RIPOR1: variants seen among roughly 807,000 people sequenced by gnomAD.
RIPOR1 encodes RHO family interacting cell polarization regulator 1.
A neutral mutation model predicts 116.5 loss-of-function variants in RIPOR1; 58 were observed. The ratio of observed to expected loss-of-function variants is 0.50; its 90% CI spans 0.40 to 0.62. RIPOR1 has a LOEUF of 0.62. Ranked by LOEUF, RIPOR1 falls within the 20% of genes least tolerant of loss-of-function variation. The pLI, the probability that RIPOR1 is intolerant of heterozygous loss-of-function variation, is 0.00. For missense variants in RIPOR1, 1,372 were observed against 1,586.2 expected (o/e 0.86, Z 2.29); for synonymous variants, 605 against 650.0 (o/e 0.93, Z 1.05).
In RIPOR1 at chr16:67,541,068, GTCTA is replaced by G. The variant is rs780318492; in HGVS notation, c.802-353_802-350del. On this transcript the variant is annotated intron_variant, in intron 10 of 21. Coordinates refer to ENST00000042381, the MANE Select transcript of RIPOR1 (RefSeq NM_024519.4). This position sits in a 1 kb window ranked among gnomAD's most constrained non-coding sequence, Gnocchi z 4.6. ...TGGCTCCATGAGCATGCATGTGTCT[GTCTA>G]TCTATCTAGGAGTTGGCGGGTCTCA... is the stretch of plus-strand genomic sequence containing the variant. Among the ~76,000 whole-genome samples, 1 of 151,888 alleles carries G rather than the reference GTCTA, an allele frequency of 6.6e-6. No individual in the cohort carries two copies. The highest frequency in any genetic ancestry group is 6.6e-5 in the Admixed American group (1 of 15,258).
In RIPOR1 at chr16:67,530,624, G is replaced by T. The variant is rs571338403; in HGVS notation, c.-24+1710G>T. On this transcript the variant is annotated intron_variant, in intron 1 of 21. Transcript: ENST00000042381. This position sits in a 1 kb window ranked among gnomAD's most constrained non-coding sequence, Gnocchi z 4.5. Reference sequence around the variant, plus strand: ...GCACAGTGCTGAGATGGGCAGCCCAGGTGGTGGGATATTCCGCCGCACCCG... The same window carrying T: ...GCACAGTGCTGAGATGGGCAGCCCATGTGGTGGGATATTCCGCCGCACCCG... Among the ~76,000 whole-genome samples the T allele has an allele frequency of 4.6e-5, 7 of 152,342 alleles. No individual in the cohort carries two copies. Among genetic ancestry groups the T allele is most frequent in the African/African-American group, 1.4e-4 (6 of 41,588 alleles).
rs1341517069 is a variant in RIPOR1, at chr16:67,540,425, C to G, written c.632-33C>G. 2.5e-6 allele frequency: 4 copies of G among 1,614,042 alleles called. No individual in the cohort carries two copies. The African/African-American group carries it at 5.3e-5, about 22-fold the overall frequency. On this transcript the variant is annotated intron_variant, in intron 8 of 21. Coordinates refer to ENST00000042381, the MANE Select transcript of RIPOR1 (RefSeq NM_024519.4). The surrounding 1 kb of genome is among the most constrained non-coding windows in gnomAD (Gnocchi z 4.7). ...AGTATGCTGAAGAACCCCAATATGG[C>G]TCACCGACTTCTCCCCTTCTCCTCC...
At chr16:67,538,277 T>A in intron 1 of RIPOR1, 147 bp from the exon 2 acceptor site, 1 of 1,033,768 alleles carries the variant, frequency 9.7e-7, no homozygotes, top group African/African-American at 1.6e-5. Flanking sequence ...AGTGCCCGGG[T>A]CGGCGGGACT....
Position 67,540,577 on chromosome 16 carries a change from A to C in RIPOR1, c.676-2A>C, listed in dbSNP as rs919015572. The C allele has an allele frequency of 6.2e-7, 1 of 1,613,878 alleles. No individual in the cohort carries two copies. Among genetic ancestry groups the C allele is most frequent in the Non-Finnish European group, 8.5e-7 (1 of 1,179,912 alleles). The stretch of plus-strand genomic sequence containing the variant: ...GCTGCCTCATCCTACCTGTTCCCCC[A>C]GATCTGCATGAAATATGGGCGTCAG... On this transcript the variant is annotated splice_acceptor_variant, in intron 9 of 21. Transcript: ENST00000042381. LOFTEE classifies it high-confidence loss of function. This position sits in a 1 kb window ranked among gnomAD's most constrained non-coding sequence, Gnocchi z 4.7.
In RIPOR1 at chr16:67,544,444, G is replaced by C. The variant is rs1389331367; in HGVS notation, c.2733+13G>C. ...TCGCCTCCTGCTGGTGAGGCTGATGGTGTTCCCCCACCCTTCCTTTGTAAC... is the reference window on the plus strand; with the variant it reads ...TCGCCTCCTGCTGGTGAGGCTGATGCTGTTCCCCCACCCTTCCTTTGTAAC... On this transcript the variant is annotated intron_variant, in intron 15 of 21. Coordinates refer to ENST00000042381, the MANE Select transcript of RIPOR1 (RefSeq NM_024519.4). The surrounding 1 kb of genome is among the most constrained non-coding windows in gnomAD (Gnocchi z 5.1). 6.2e-7 allele frequency: 1 copy of C among 1,600,144 alleles called. No homozygotes were observed. Among genetic ancestry groups the C allele is most frequent in the Non-Finnish European group, 8.5e-7 (1 of 1,173,836 alleles).
At chr16:67,538,848 C>T (rs2050886347) in intron 3 of RIPOR1, 24 bp downstream of exon 3, 1 of 1,611,376 alleles carries the variant, frequency 6.2e-7, no homozygotes, top group South Asian at 1.1e-5. Context: ...CTGTTCCCAG[C>T]CCTGTCCCGG....
chr16:67,522,390 C>T (rs1386884303), intron 1 of RIPOR1, among the ~76,000 whole-genome samples: 1 of 151,546 alleles, frequency 6.6e-6, no homozygotes, highest in African/African-American at 2.4e-5. Context: ...TTAGTAGAGA[C>T]GGGGTATCCC....
chr16:67,529,960 G>A lies in RIPOR1; in HGVS notation c.-24+1046G>A, dbSNP rs911569120. On this transcript the variant is annotated intron_variant, in intron 1 of 21. Coordinates refer to ENST00000042381, the MANE Select transcript of RIPOR1 (RefSeq NM_024519.4). This position sits in a 1 kb window ranked among gnomAD's most constrained non-coding sequence, Gnocchi z 4.1. ...ACCCACCTCCGTGGTATTGGAGGGAGGAGAGGAATGATAATTGGGGGCTGA... is the reference window on the plus strand; with the variant it reads ...ACCCACCTCCGTGGTATTGGAGGGAAGAGAGGAATGATAATTGGGGGCTGA... 3 of 786,754 alleles carry A rather than the reference G, an allele frequency of 3.8e-6. No individual in the cohort carries two copies. Among genetic ancestry groups the A allele is most frequent in the Admixed American group, 2.0e-5 (1 of 49,762 alleles). 48.7% of individuals were successfully genotyped at this position (786,754 alleles called of 1,614,324 possible). A position where few individuals can be genotyped will look rare whatever the true frequency, so the allele number is the denominator to read the frequency against.
chr16:67,536,255 C>T (rs547302142), intron 1 of RIPOR1, among the ~76,000 whole-genome samples: 1 of 152,290 alleles, frequency 6.6e-6, no homozygotes, highest in South Asian at 2.1e-4. Flanking sequence ...CAAGACCAGC[C>T]TGGCCAACAT....
At chr16:67,536,467 G>A (rs189304350) in intron 1 of RIPOR1, among the ~76,000 whole-genome samples, 21 of 152,268 alleles carry the variant, frequency 1.4e-4, no homozygotes, top group Admixed American at 1.3e-3. Flanking sequence ...ATGGGGATCA[G>A]GATGGGAACG....
chr16:67,525,137 A>G (rs1338812262), upstream of RIPOR1, among the ~76,000 whole-genome samples: 1 of 152,194 alleles, frequency 6.6e-6, no homozygotes, highest in Non-Finnish European at 1.5e-5. Flanking sequence ...AGGGAGCCCC[A>G]ACAAAGAGCC....
chr16:67,537,999 G>A lies in RIPOR1; in HGVS notation c.-23-425G>A, dbSNP rs1380507257. 2 of 212,806 alleles carry A rather than the reference G, an allele frequency of 9.4e-6. No homozygotes were observed. The highest frequency in any genetic ancestry group is 1.9e-5 in the Non-Finnish European group (2 of 108,004). The allele number at this position is 212,806 out of a possible 1,614,324, so 13.2% of individuals were successfully genotyped here. A position where few individuals can be genotyped will look rare whatever the true frequency, so the allele number is the denominator to read the frequency against. On this transcript the variant is annotated intron_variant, in intron 1 of 21. Coordinates refer to ENST00000042381, the MANE Select transcript of RIPOR1 (RefSeq NM_024519.4). This position sits in a 1 kb window ranked among gnomAD's most constrained non-coding sequence, Gnocchi z 4.6. ...GCCCCGTGACCTCCTTGGGCTCCCG[G>A]GGTGGGGGGCCCCGAGCTCCGGGTG...
chr16:67,543,097 G>A lies in RIPOR1; in HGVS notation c.2311G>A (p.Ala771Thr), dbSNP rs971651982. 6 of 1,522,720 alleles carry A rather than the reference G, an allele frequency of 3.9e-6. No homozygotes were observed. The highest frequency in any genetic ancestry group is 4.5e-5 in the Admixed American group (2 of 44,824). The allele number at this position is 1,522,720 out of a possible 1,614,324, so 94.3% of individuals were successfully genotyped here. Residue 771 changes from alanine (A) to threonine (T), a missense_variant, in exon 13 of 22, where the codon GCC (alanine) becomes ACC (threonine). By Grantham distance (58) the Ala-to-Thr change is moderately conservative. Around this residue, in one of 3 missense-constraint regions of RIPOR1, gnomAD observed 1,005 missense variants for 1,144.7 expected, o/e 0.88. Coordinates refer to ENST00000042381, the MANE Select transcript of RIPOR1 (RefSeq NM_024519.4). This position sits in a 1 kb window ranked among gnomAD's most constrained non-coding sequence, Gnocchi z 4.7. ...ACCCCAGCATTCAGACCTTTGCCTG[G>A]CCATGGCTGTCCAGACCCCAGTCCC... ...PAPQHSDLCL[A>T]MAVQTPVPTA...
chr16:67,538,103 G>T (rs376265257), intron 1 of RIPOR1: 1 of 285,450 alleles, frequency 3.5e-6, no homozygotes, highest in Non-Finnish European at 6.5e-6. Context: ...CACATTCTTC[G>T]CGCGCGCCGC....
chr16:67,538,536 C>T lies in RIPOR1; in HGVS notation c.90C>T (p.His30=), dbSNP rs748133124. ...CCTTCGCAGGCGTCCTCGGCAGCCACGAGCGGGGGCCCAGGTACGCGGCCG... is the reference window on the plus strand; with the variant it reads ...CCTTCGCAGGCGTCCTCGGCAGCCATGAGCGGGGGCCCAGGTACGCGGCCG... The part of the protein sequence containing the change: ...SQSFAGVLGS[H]ERGPRSFPVF... Residue 30 remains histidine, a synonymous_variant, in exon 2 of 22, where the codon CAC becomes CAT. Coordinates refer to ENST00000042381, the MANE Select transcript of RIPOR1 (RefSeq NM_024519.4). 18 of 1,612,088 alleles carry T rather than the reference C, an allele frequency of 1.1e-5. No individual in the cohort carries two copies. Among genetic ancestry groups the T allele is most frequent in the Non-Finnish European group, 1.4e-5 (17 of 1,179,314 alleles).
Position 67,540,128 on chromosome 16 carries a change from A to AC in RIPOR1, c.492dup (p.Thr165HisfsTer61). The AC allele has an allele frequency of 6.2e-7, 1 of 1,614,132 alleles. No individual in the cohort carries two copies. Among genetic ancestry groups the AC allele is most frequent in the Non-Finnish European group, 8.5e-7 (1 of 1,180,012 alleles). ...TGCCTACAACATGGTCCGTGCCTAC[A>AC]CCACTGGGTCCCCGGGAAGCCGAGA... On this transcript the variant is annotated frameshift_variant, in exon 7 of 22. Transcript: ENST00000042381. LOFTEE classifies it high-confidence loss of function. The surrounding 1 kb of genome is among the most constrained non-coding windows in gnomAD (Gnocchi z 4.7).
upstream of RIPOR1, among the ~76,000 whole-genome samples, chr16:67,524,989 G>A (rs1318011190): frequency 6.6e-6 from 1 of 152,200 alleles, no homozygotes; most frequent in Non-Finnish European, 1.5e-5. Context: ...TTGCTCCCCA[G>A]CCGGCCCCAA....
In RIPOR1 at chr16:67,544,221, G is replaced by A. The variant is rs534641057; in HGVS notation, c.2601-78G>A. The stretch of plus-strand genomic sequence containing the variant: ...CATCTTCTTCCTTTCTGGCATGGGG[G>A]AAGCTTAATAAAAATAAACGCTGGT... On this transcript the variant is annotated intron_variant, in intron 14 of 21. Transcript: ENST00000042381. This position sits in a 1 kb window ranked among gnomAD's most constrained non-coding sequence, Gnocchi z 5.1. The A allele has an allele frequency of 1.3e-6, 2 of 1,513,066 alleles. No individual in the cohort carries two copies. The highest frequency in any genetic ancestry group is 2.3e-5 in the East Asian group (1 of 43,558). The allele number at this position is 1,513,066 out of a possible 1,614,324, so 93.7% of individuals were successfully genotyped here. A position where few individuals can be genotyped will look rare whatever the true frequency, so the allele number is the denominator to read the frequency against.
intron 1 of RIPOR1, among the ~76,000 whole-genome samples, chr16:67,521,659 C>T (rs1242252128): frequency 1.3e-5 from 2 of 152,146 alleles, no homozygotes; most frequent in Non-Finnish European, 2.9e-5. Context: ...GAGCACCGCC[C>T]AGCTCACAGC....
Sources: allele counts gnomAD v4.1 joint callset (sites outside exome capture counted in the v4.1 genomes callset), GRCh38; gene constraint gnomAD v4.1.1; regional missense constraint gnomAD v4.1.1; non-coding constraint Gnocchi (gnomAD v3.1); transcripts MANE v1.5; gene names NCBI Gene and HGNC (gene_info 2026-07-23, HGNC 2026-07-21).